The following GRK6 variants were observed in gnomAD, a reference collection of about 807,000 sequenced individuals.
GRK6 encodes the protein G protein-coupled receptor kinase 6.
GRK6 carries 37 observed loss-of-function variants against 80.8 expected under a neutral mutation model. The ratio of observed to expected loss-of-function variants is 0.46; its 90% CI spans 0.35 to 0.60. GRK6 has a LOEUF of 0.60. Ranked by LOEUF, GRK6 falls within the 20% of genes least tolerant of loss-of-function variation. GRK6 has a pLI of 0.00. For missense variants in GRK6, 560 were observed against 784.6 expected, an observed-to-expected ratio of 0.71 and a Z score of 3.42; for synonymous variants, 295 against 320.9, an observed-to-expected ratio of 0.92 and a Z score of 0.86.
Position 177,435,494 on chromosome 5 carries a change from G to A in GRK6, c.1057+373G>A, listed in dbSNP as rs187653596. ...AGGCCCCACATTCCACCTGGAGACC[G>A]AGAGACGCAGGAGGCAGAGTCCTGG... is the stretch of plus-strand genomic sequence containing the variant. On this transcript the variant is annotated intron_variant, in intron 11 of 15. Coordinates refer to ENST00000355472, the MANE Select transcript of GRK6 (RefSeq NM_001004106.3). Among the ~76,000 whole-genome samples, 18 of 152,340 alleles carry A rather than the reference G, an allele frequency of 1.2e-4. No homozygotes were observed. In the East Asian group the frequency reaches 3.5e-3, roughly 29 times the overall value.
intron 2 of GRK6, 33 bp downstream of exon 2, chr5:177,431,000 G>A: frequency 6.3e-7 from 1 of 1,585,882 alleles, no homozygotes; most frequent in East Asian, 2.3e-5. Flanking sequence ...GGGTGCTGAG[G>A]CGAGGGGCCC....
At chr5:177,431,465 T>C (rs1763883347) in intron 2 of GRK6, among the ~76,000 whole-genome samples, 1 of 152,206 alleles carries the variant, frequency 6.6e-6, no homozygotes, top group Admixed American at 6.5e-5. Flanking sequence ...CTGCCAATCT[T>C]GGCCAAGGCC....
At chr5:177,440,197 G>A (rs1378904424) in intron 13 of GRK6, among the ~76,000 whole-genome samples, 1 of 152,248 alleles carries the variant, frequency 6.6e-6, no homozygotes, top group Non-Finnish European at 1.5e-5. Context: ...GAAGGTGGCC[G>A]CCTGGAGCTG....
At chr5:177,438,765 G>A (rs1346575185) in intron 13 of GRK6, 1 of 152,282 alleles carries the variant, frequency 6.6e-6, no homozygotes, top group African/African-American at 2.4e-5. Context: ...ACTGCCCTGA[G>A]TGACTGCCTC....
At chr5:177,430,292 G>A (rs1418122814) in intron 1 of GRK6, among the ~76,000 whole-genome samples, 2 of 152,220 alleles carry the variant, frequency 1.3e-5, no homozygotes, top group African/African-American at 4.8e-5. Context: ...GCTGCAGATG[G>A]GGTGTCTGCG....
Position 177,440,910 on chromosome 5 carries a change from C to T in GRK6, c.1543-9C>T. 6.2e-7 allele frequency: 1 copy of T among 1,613,976 alleles called. No individual in the cohort carries two copies. Among genetic ancestry groups the T allele is most frequent in the Non-Finnish European group, 8.5e-7 (1 of 1,179,970 alleles). On this transcript the variant is annotated splice_polypyrimidine_tract_variant and intron_variant, in intron 14 of 15. Coordinates refer to ENST00000355472, the MANE Select transcript of GRK6 (RefSeq NM_001004106.3). ...GGGACAGCTGTCACAGCCGCCTGCTCCTCAGCAGATGGTGGAGACCGAGTG... is the reference window on the plus strand; with the variant it reads ...GGGACAGCTGTCACAGCCGCCTGCTTCTCAGCAGATGGTGGAGACCGAGTG...
intron 9 of GRK6, 125 bp downstream of exon 9, chr5:177,434,229 T>C: frequency 2.0e-6 from 2 of 1,004,694 alleles, no homozygotes; most frequent in Non-Finnish European, 1.4e-6. Context: ...GTTTGGGGGC[T>C]GTGGCACCGG....
chr5:177,432,709 C>T lies in GRK6; in HGVS notation c.343C>T (p.Pro115Ser), dbSNP rs898692878. The change falls in exon 5 of 16, where the codon CCT (proline) becomes TCT (serine). Residue 115 changes from proline (P) to serine (S), a missense_variant. Coordinates refer to ENST00000355472, the MANE Select transcript of GRK6 (RefSeq NM_001004106.3). ...LTQNFLSHTG[P>S]DLIPEVPRQL... is the part of the protein sequence containing the mutation. ...CCTGTCTGGGGCTTGTTCCCAGGGTCCTGACCTCATCCCTGAGGTCCCCCG... is the reference window on the plus strand; with the variant it reads ...CCTGTCTGGGGCTTGTTCCCAGGGTTCTGACCTCATCCCTGAGGTCCCCCG... 1.2e-6 allele frequency: 2 copies of T among 1,600,114 alleles called. No homozygotes were observed. The highest frequency in any genetic ancestry group is 1.7e-6 in the Non-Finnish European group (2 of 1,172,534).
intron 13 of GRK6, 90 bp from the exon 14 acceptor site, chr5:177,440,610 A>T: frequency 6.6e-7 from 1 of 1,507,788 alleles, no homozygotes; most frequent in Non-Finnish European, 9.1e-7. Context: ...AGGCAGCACT[A>T]GGCCAAGACC....
chr5:177,426,157 C>T (rs1353248528), upstream of GRK6, among the ~76,000 whole-genome samples: 2 of 152,216 alleles, frequency 1.3e-5, no homozygotes, highest in African/African-American at 4.8e-5. Flanking sequence ...CAAGGGAATA[C>T]GGCCACACAA....
rs1003521223 is a variant in GRK6, at chr5:177,429,349, G to A, written c.53-1523G>A. ...GCAGCCCAGGACAGGATATTTGCAT[G>A]TGACTCTTTGCTGCTGCCTTGATGT... On this transcript the variant is annotated intron_variant, in intron 1 of 15. Transcript: ENST00000355472. The surrounding 1 kb of genome is among the most constrained non-coding windows in gnomAD (Gnocchi z 4.3). Among the ~76,000 whole-genome samples the A allele has an allele frequency of 3.9e-5, 6 of 152,084 alleles. No homozygotes were observed. The highest frequency in any genetic ancestry group is 1.4e-4 in the African/African-American group (6 of 41,408).
At chr5:177,434,777 C>T in intron 9 of GRK6, 125 bp from the exon 10 acceptor site, 5 of 1,023,398 alleles carry the variant, frequency 4.9e-6, no homozygotes, top group Non-Finnish European at 6.0e-6. Flanking sequence ...GTCGCCCTGG[C>T]AGCAAATGAG....
intron 10 of GRK6, 23 bp from the exon 11 acceptor site, chr5:177,435,009 C>T (rs372214117): frequency 5.3e-5 from 86 of 1,613,224 alleles, no homozygotes; most frequent in South Asian, 3.7e-4. Flanking sequence ...AACGGGTCCA[C>T]CTGTTTCTCC....
rs750399337 is a variant in GRK6, at chr5:177,436,386, G to A, written c.1267-7G>A. 1 of 1,376,082 alleles carries A rather than the reference G, an allele frequency of 7.3e-7. No homozygotes were observed. The highest frequency in any genetic ancestry group is 1.9e-5 in the Admixed American group (1 of 51,336). The allele number at this position is 1,376,082 out of a possible 1,614,324, so 85.2% of individuals were successfully genotyped here. ...TGGCCTGCCTGGCCGACTCACCCCT[G>A]CCACAGCTCCTCTGCAAGGACCCTG... On this transcript the variant is annotated splice_polypyrimidine_tract_variant and splice_region_variant and intron_variant, in intron 12 of 15. Transcript: ENST00000355472.
At chr5:177,426,022 CGGCTGCGGG>C (rs1442709216), upstream of GRK6, among the ~76,000 whole-genome samples, 3 of 152,234 alleles carry the variant, frequency 2.0e-5, no homozygotes, top group East Asian at 5.8e-4. Flanking sequence ...TCACAACATC[CGGCTGCGGG>C]GGCTGGGCGG....
At position 177,441,311 on chromosome 5, in the gene GRK6, C is replaced by T. The variant is rs574077733; in HGVS notation, c.1677+258C>T. On this transcript the variant is annotated intron_variant, in intron 15 of 15. Coordinates refer to ENST00000355472, the MANE Select transcript of GRK6 (RefSeq NM_001004106.3). ...TGGCCTCGGGGAGCCACGGGCAGCC[C>T]TTCCATGGCAAAGGCAAGATGTGGG... 337 of 1,548,384 alleles carry T rather than the reference C, an allele frequency of 2.2e-4. 1 individual carries two copies. The African/African-American group carries it at 4.1e-3, about 19-fold the overall frequency.
At chr5:177,434,796 C>T (rs1035040991) in intron 9 of GRK6, 106 bp from the exon 10 acceptor site, 1 of 1,290,898 alleles carries the variant, frequency 7.7e-7, no homozygotes, top group Non-Finnish European at 1.1e-6. Flanking sequence ...AGTCTCGCAC[C>T]TTGCTCCACA....
Position 177,432,097 on chromosome 5 carries a change from T to TGGATGGGGTGGTGAGTGCAGGG in GRK6, c.261+10_261+11insGGGGATGGGGTGGTGAGTGCAG. On this transcript the variant is annotated frameshift_variant, in exon 3 of 16. Transcript: ENST00000355472. LOFTEE classifies it high-confidence loss of function. ...GAGCTGAGCCGCTGCGTCGCCTTCC[T>TGGATGGGGTGGTGAGTGCAGGG]GGATGGGGTGGTGAGTGCAGCCCAG... The TGGATGGGGTGGTGAGTGCAGGG allele has an allele frequency of 1.2e-6, 2 of 1,611,004 alleles. No individual in the cohort carries two copies. Among genetic ancestry groups the TGGATGGGGTGGTGAGTGCAGGG allele is most frequent in the Non-Finnish European group, 1.7e-6 (2 of 1,178,488 alleles).
intron 12 of GRK6, 33 bp from the exon 13 acceptor site, chr5:177,436,360 C>G (rs1415084715): frequency 1.2e-6 from 2 of 1,609,408 alleles, no homozygotes; most frequent in Non-Finnish European, 1.7e-6. Flanking sequence ...ACTCACCTGC[C>G]TGGCCTGCCT....
Sources: allele counts gnomAD v4.1 joint callset (sites outside exome capture counted in the v4.1 genomes callset), GRCh38; gene constraint gnomAD v4.1.1; non-coding constraint Gnocchi (gnomAD v3.1); transcripts MANE v1.5; gene names NCBI Gene and HGNC (gene_info 2026-07-23, HGNC 2026-07-21).